EPHA6: variants seen among roughly 807,000 people sequenced by gnomAD.
EPHA6 encodes ephrin type-A receptor 6.
A neutral mutation model predicts 112.0 loss-of-function variants in EPHA6; 50 were observed. The ratio of observed to expected loss-of-function variants is 0.45; its 90% CI spans 0.36 to 0.56. EPHA6 has a LOEUF of 0.56. Among genes scored for constraint, EPHA6 ranks in the 20% least tolerant of loss-of-function variants. EPHA6 has a pLI of 0.00. For synonymous variants in EPHA6, 529 were observed against 490.7 expected (o/e 1.08, Z -1.03); for missense variants, 1,280 against 1,417.4 (o/e 0.90, Z 1.56).
At chr3:96,950,199 C>CCCGT (rs2107716738) in intron 2 of EPHA6, among the ~76,000 whole-genome samples, 1 of 152,194 alleles carries the variant, frequency 6.6e-6, no homozygotes, top group East Asian at 1.9e-4. Context: ...AACCACAATG[C>CCCGT]CCGTCTTAGC....
intron 14 of EPHA6, among the ~76,000 whole-genome samples, chr3:97,676,495 T>TCTTTC (rs2031393710): frequency 6.6e-6 from 1 of 152,132 alleles, no homozygotes; most frequent in South Asian, 2.1e-4. Context: ...ACCCTGAAAC[T>TCTTTC]AGGAAGTATA....
At chr3:97,079,686 G>T (rs1213967386) in intron 3 of EPHA6, among the ~76,000 whole-genome samples, 2 of 150,668 alleles carry the variant, frequency 1.3e-5, no homozygotes, top group Non-Finnish European at 2.9e-5. Flanking sequence ...TGGGTAAAAT[G>T]CTGTCAAATA....
At chr3:97,640,426 T>G (rs2093991115) in intron 14 of EPHA6, among the ~76,000 whole-genome samples, 3 of 152,148 alleles carry the variant, frequency 2.0e-5, no homozygotes, top group Non-Finnish European at 2.9e-5. Flanking sequence ...AGACAGGCAC[T>G]GATTTATTTA....
At chr3:97,090,877 T>C (rs2047043412) in intron 3 of EPHA6, among the ~76,000 whole-genome samples, 1 of 152,066 alleles carries the variant, frequency 6.6e-6, no homozygotes, top group African/African-American at 2.4e-5. Flanking sequence ...CTCAGGAAAA[T>C]TTGAAAGCAT....
chr3:97,213,117 T>C (rs2077924207), intron 3 of EPHA6, among the ~76,000 whole-genome samples: 1 of 152,172 alleles, frequency 6.6e-6, no homozygotes, highest in Non-Finnish European at 1.5e-5. Context: ...AGTTTATGGA[T>C]TGCTTTTCTA....
At chr3:97,527,912 A>G (rs1476398726) in intron 10 of EPHA6, among the ~76,000 whole-genome samples, 2 of 152,108 alleles carry the variant, frequency 1.3e-5, no homozygotes, top group Non-Finnish European at 2.9e-5. Context: ...GTAAGGAAGA[A>G]TGTTTCCTGT....
intron 14 of EPHA6, among the ~76,000 whole-genome samples, chr3:97,696,867 C>G (rs933526010): frequency 6.6e-6 from 1 of 152,138 alleles, no homozygotes; most frequent in African/African-American, 2.4e-5. Flanking sequence ...TTGGGAAAGC[C>G]AAGCCTCAAC....
intron 3 of EPHA6, among the ~76,000 whole-genome samples, chr3:97,009,554 C>T (rs1273106162): frequency 6.6e-6 from 1 of 152,200 alleles, no homozygotes; most frequent in East Asian, 1.9e-4. Flanking sequence ...TTGCCAGTCC[C>T]ACTGCTGGTT....
intron 11 of EPHA6, among the ~76,000 whole-genome samples, chr3:97,546,467 A>T (rs2092950532): frequency 6.6e-6 from 1 of 152,164 alleles, no homozygotes; most frequent in South Asian, 2.1e-4. Flanking sequence ...TTTGAGGGTA[A>T]CCCGACCTTT....
At chr3:97,018,936 G>T (rs539879035) in intron 3 of EPHA6, among the ~76,000 whole-genome samples, 1 of 152,320 alleles carries the variant, frequency 6.6e-6, no homozygotes, top group East Asian at 1.9e-4. Flanking sequence ...AGAGCAAGGA[G>T]CCCTCTGGTA....
intron 5 of EPHA6, among the ~76,000 whole-genome samples, chr3:97,299,183 ATGTGTGTGTGTG>A (rs34282025): frequency 1.4e-5 from 2 of 144,512 alleles, no homozygotes; most frequent in South Asian, 2.3e-4. Context: ...GATGATCAGG[ATGTGTGTGTGTG>A]TGTGTGTGTG....
intron 2 of EPHA6, among the ~76,000 whole-genome samples, chr3:96,893,231 A>G (rs557262682): frequency 2.5e-4 from 38 of 152,314 alleles, no homozygotes; most frequent in African/African-American, 8.2e-4. Context: ...CTTGAACATT[A>G]TAAATGACTG....
intron 1 of EPHA6, among the ~76,000 whole-genome samples, chr3:96,829,955 A>G (rs537148568): frequency 0.038 from 4,245 of 110,518 alleles, 146 homozygotes; most frequent in African/African-American, 0.13. Flanking sequence ...GCGCGCACAC[A>G]CACACACACA....
chr3:97,532,571 C>T, intron 11 of EPHA6, 28 bp downstream of exon 11: 2 of 1,552,996 alleles, frequency 1.3e-6, no homozygotes, highest in Non-Finnish European at 1.7e-6. Context: ...TTCATTACTT[C>T]TTTCACACAC....
intron 10 of EPHA6, among the ~76,000 whole-genome samples, chr3:97,507,939 T>G (rs2092288542): frequency 6.6e-6 from 1 of 152,178 alleles, no homozygotes; most frequent in South Asian, 2.1e-4. Context: ...TTTTCTAGTT[T>G]ATTGGTGTAG....
chr3:97,671,631 T>A (rs907681626), intron 14 of EPHA6, among the ~76,000 whole-genome samples: 2 of 152,178 alleles, frequency 1.3e-5, no homozygotes, highest in Non-Finnish European at 2.9e-5. Context: ...TAATATCAAA[T>A]CTCCTTGCTA....
chr3:97,563,677 C>T (rs2093223269), intron 11 of EPHA6, among the ~76,000 whole-genome samples: 1 of 152,098 alleles, frequency 6.6e-6, no homozygotes, highest in African/African-American at 2.4e-5. Flanking sequence ...CCAGAAAGTT[C>T]CTGGTCCCAA....
At chr3:96,877,742 G>T (rs1335769948) in intron 2 of EPHA6, among the ~76,000 whole-genome samples, 2 of 150,482 alleles carry the variant, frequency 1.3e-5, no homozygotes, top group African/African-American at 4.9e-5. Context: ...GAATTGACTT[G>T]GTTTTATTTT....
At chr3:97,643,161 T>C (rs1181617710) in intron 14 of EPHA6, among the ~76,000 whole-genome samples, 2 of 151,486 alleles carry the variant, frequency 1.3e-5, no homozygotes, top group African/African-American at 4.8e-5. Flanking sequence ...AAAAGAATTT[T>C]CAACCCAGAA....
Sources: gnomAD v4.1 joint callset for allele counts (sites outside exome capture counted in the v4.1 genomes callset) on GRCh38, gnomAD v4.1.1 for gene constraint, MANE v1.5 for transcripts, NCBI Gene and HGNC (gene_info 2026-07-23, HGNC 2026-07-21) for gene names.